Variants in SSH2 observed in about 807,000 individuals in gnomAD.
The protein encoded by SSH2 is slingshot protein phosphatase 2, also known as protein phosphatase Slingshot homolog 2.
A neutral mutation model predicts 135.2 loss-of-function variants in SSH2; 37 were observed. The observed-to-expected ratio is 0.27, with a 90% CI of 0.21 to 0.36. The LOEUF (loss-of-function observed/expected upper bound fraction) is 0.36, where lower values mean the gene tolerates loss of function less well. Among genes scored for constraint, SSH2 ranks in the 10% least tolerant of loss-of-function variants. SSH2 has a pLI of 1.00. For missense variants in SSH2, 1,408 were observed against 1,765.3 expected (o/e 0.80, Z 3.63); for synonymous variants, 628 against 646.2 (o/e 0.97, Z 0.43).
intron 4 of SSH2, among the ~76,000 whole-genome samples, chr17:29,696,372 C>A (rs957760389): frequency 6.8e-6 from 1 of 146,910 alleles, no homozygotes; most frequent in Admixed American, 6.8e-5. Flanking sequence ...AATATCCATA[C>A]ATATAAATAT....
intron 11 of SSH2, 120 bp from the exon 12 acceptor site, chr17:29,655,727 T>TTA: frequency 1.2e-6 from 1 of 826,136 alleles, no homozygotes; most frequent in African/African-American, 1.7e-5. Context: ...CAGTGCCCTT[T>TTA]AAGTTGCCAG....
intron 11 of SSH2, among the ~76,000 whole-genome samples, chr17:29,656,147 T>C (rs192725300): frequency 8.0e-4 from 122 of 152,340 alleles, no homozygotes; most frequent in Admixed American, 3.7e-3. Context: ...GCAGCATTAT[T>C]ATGCATTGAA....
At chr17:29,800,662 A>C (rs995327625) in intron 2 of SSH2, among the ~76,000 whole-genome samples, 1 of 151,810 alleles carries the variant, frequency 6.6e-6, no homozygotes, top group Non-Finnish European at 1.5e-5. Context: ...ATGTTTAATT[A>C]ATTAAACATT....
intron 4 of SSH2, among the ~76,000 whole-genome samples, chr17:29,697,690 A>G (rs1047353115): frequency 6.6e-6 from 1 of 152,150 alleles, no homozygotes; most frequent in Non-Finnish European, 1.5e-5. Flanking sequence ...CCCCAAACCA[A>G]AAAGGATGGT....
rs750593146 is a variant in SSH2, at chr17:29,636,152, G to A, written c.2078C>T (p.Thr693Ile). The change falls in exon 15 of 16, where the codon ACC becomes ATC. Residue 693 changes from threonine to isoleucine, a missense_variant. Around this residue, in one of 3 missense-constraint regions of SSH2, gnomAD observed 1,080 missense variants for 1,144.5 expected, o/e 0.94. Transcript: ENST00000540801. ...TGAATGGGAAAAAGATCGTGACCGG[G>A]TTTCTTGGGAGAGCTCCACAAACTT... ...LEKFVELSQETRSRSFSHSRM... is the reference protein window; with the variant it reads ...LEKFVELSQEIRSRSFSHSRM... 4.3e-6 allele frequency: 7 copies of A among 1,614,028 alleles called. No homozygotes were observed. The East Asian group carries it at 8.9e-5, about 21-fold the overall frequency.
intron 15 of SSH2, among the ~76,000 whole-genome samples, chr17:29,635,655 G>A (rs970308189): frequency 3.2e-4 from 49 of 151,958 alleles, no homozygotes; most frequent in African/African-American, 4.4e-4. Context: ...TGATCCGCCC[G>A]CCTTGGCCTC....
At chr17:29,693,461 G>A (rs1012363910) in intron 5 of SSH2, among the ~76,000 whole-genome samples, 6 of 151,434 alleles carry the variant, frequency 4.0e-5, no homozygotes, top group African/African-American at 1.2e-4. Context: ...ACAGGTGTGT[G>A]CCAACACACC....
rs114715154 is a variant in SSH2 at position 29,668,711 on chromosome 17, T to C, written c.810-1488A>G. On this transcript the variant is annotated intron_variant, in intron 9 of 15. Coordinates refer to ENST00000540801, the MANE Select transcript of SSH2 (RefSeq NM_001282129.2). ...CTGATTGTACCACTGCACTCCAGCC[T>C]GGGTAACGGAGCAAGACTCTGTCTC... 8.2e-3 allele frequency among the ~76,000 whole-genome samples: 1,244 copies of C among 152,168 alleles called. 13 individuals are homozygous for C. Among genetic ancestry groups the C allele is most frequent in the African/African-American group, 0.025 (1,042 of 41,520 alleles).
At chr17:29,662,503 A>T (rs2037091639) in intron 11 of SSH2, among the ~76,000 whole-genome samples, 1 of 152,180 alleles carries the variant, frequency 6.6e-6, no homozygotes, top group African/African-American at 2.4e-5. Context: ...TTTATGCCAC[A>T]CCTCCTGAAT....
chr17:29,879,365 T>G (rs976789202), intron 1 of SSH2, among the ~76,000 whole-genome samples: 19 of 141,974 alleles, frequency 1.3e-4, no homozygotes, highest in African/African-American at 4.3e-4. Flanking sequence ...GGAACAGTGC[T>G]TTCTGCTGTT....
intron 8 of SSH2, chr17:29,675,867 T>TA (rs2037693035): frequency 6.6e-6 from 1 of 151,998 alleles, no homozygotes; most frequent in Non-Finnish European, 1.5e-5. Context: ...ATGTAAGAAA[T>TA]ACTCTCAGGG....
chr17:29,632,511 G>A lies in SSH2; in HGVS notation c.2683C>T (p.Arg895Ter). ...CGCTCTTCGAACTCCAAGGTGGCTC[G>A]CCTCACAGACCCAGGGTACCACTTG... ...GAKWYPGSVR[R>*]ATLEFEERLR... Residue 895 changes from arginine (R) to a stop codon, truncating the protein, a stop_gained, in exon 16 of 16, where the codon CGA (arginine) becomes TGA (stop). Transcript: ENST00000540801. LOFTEE classifies it high-confidence loss of function. The A allele has an allele frequency of 1.2e-6, 2 of 1,614,088 alleles. No individual in the cohort carries two copies. The highest frequency in any genetic ancestry group is 1.7e-6 in the Non-Finnish European group (2 of 1,179,980).
At chr17:29,837,388 G>T (rs1162440809) in intron 2 of SSH2, among the ~76,000 whole-genome samples, 1 of 152,138 alleles carries the variant, frequency 6.6e-6, no homozygotes, top group Non-Finnish European at 1.5e-5. Context: ...AATTAATCTG[G>T]CTATAAAACA....
chr17:29,671,892 C>T (rs374733662), intron 9 of SSH2, 43 bp downstream of exon 9: 5 of 1,531,234 alleles, frequency 3.3e-6, no homozygotes, highest in Non-Finnish European at 3.6e-6. Context: ...CTCCTCAGGA[C>T]ATAATGGAGA....
intron 1 of SSH2, among the ~76,000 whole-genome samples, chr17:29,858,984 A>C (rs543341602): frequency 6.6e-6 from 1 of 152,338 alleles, no homozygotes; most frequent in African/African-American, 2.4e-5. Flanking sequence ...CAGGCCAAGA[A>C]GGTCAGCCTC....
At chr17:29,851,780 T>A (rs923257688) in intron 1 of SSH2, among the ~76,000 whole-genome samples, 2 of 150,892 alleles carry the variant, frequency 1.3e-5, no homozygotes, top group East Asian at 2.0e-4. Flanking sequence ...GGTGGGAGGA[T>A]AACTTGAGTT....
At chr17:29,638,349 T>C (rs888058157) in intron 14 of SSH2, among the ~76,000 whole-genome samples, 9 of 150,170 alleles carry the variant, frequency 6.0e-5, no homozygotes, top group African/African-American at 1.5e-4. Context: ...ATACAAGGTA[T>C]ACTATTCAGT....
chr17:29,637,884 C>A (rs2035976571), intron 14 of SSH2, among the ~76,000 whole-genome samples: 1 of 152,036 alleles, frequency 6.6e-6, no homozygotes, highest in Non-Finnish European at 1.5e-5. Context: ...GAGGCTAAGG[C>A]GGGCGGATCG....
chr17:29,834,612 T>C (rs2151370520), intron 2 of SSH2, among the ~76,000 whole-genome samples: 1 of 152,260 alleles, frequency 6.6e-6, no homozygotes, highest in East Asian at 1.9e-4. Context: ...TTTAGCAATG[T>C]TTTCTTTTAT....
Sources: gnomAD v4.1 joint callset for allele counts (sites outside exome capture counted in the v4.1 genomes callset) on GRCh38, gnomAD v4.1.1 for gene constraint, gnomAD v4.1.1 regional missense constraint, MANE v1.5 for transcripts, NCBI Gene and HGNC (gene_info 2026-07-23, HGNC 2026-07-21) for gene names.